Variants in RNF145 observed in about 807,000 individuals in gnomAD.
RNF145 encodes the protein ring finger protein 145.
Under a neutral mutation model 57.3 loss-of-function variants are expected in RNF145, and 12 were observed. The ratio of observed to expected loss-of-function variants is 0.21; its 90% confidence interval spans 0.13 to 0.34. The LOEUF (loss-of-function observed/expected upper bound fraction) is 0.34. Ranked by LOEUF, RNF145 falls within the 10% of genes least tolerant of loss-of-function variation. RNF145 has a pLI of 1.00. For missense variants in RNF145, 429 were observed against 799.0 expected (o/e 0.54, Z 5.58); for synonymous variants, 262 against 288.3 (o/e 0.91, Z 0.92).
chr5:159,163,637 T>A (rs1028498003), intron 8 of RNF145, among the ~76,000 whole-genome samples: 2 of 152,168 alleles, frequency 1.3e-5, no homozygotes, highest in Admixed American at 1.3e-4. Context: ...CTGGTTTTCC[T>A]CCCTCCTCCA....
At chr5:159,208,288 C>G (rs1785974340) in intron 1 of RNF145, among the ~76,000 whole-genome samples, 1 of 152,176 alleles carries the variant, frequency 6.6e-6, no homozygotes, top group Admixed American at 6.5e-5. Context: ...GAAAGAGGCT[C>G]GAGAGCTCCC....
At chr5:159,160,292 G>T (rs1009755101) in intron 10 of RNF145, among the ~76,000 whole-genome samples, 1 of 152,034 alleles carries the variant, frequency 6.6e-6, no homozygotes, top group African/African-American at 2.4e-5. Flanking sequence ...AAACCGCCTG[G>T]AGAACATTGT....
intron 3 of RNF145, among the ~76,000 whole-genome samples, chr5:159,189,290 G>A (rs1785202628): frequency 1.3e-5 from 2 of 152,174 alleles, no homozygotes; most frequent in Admixed American, 6.5e-5. Flanking sequence ...ATTAAATACT[G>A]AGCAAAGGAT....
intron 1 of RNF145, among the ~76,000 whole-genome samples, chr5:159,204,082 A>G (rs1456872754): frequency 1.3e-5 from 2 of 152,176 alleles, no homozygotes; most frequent in Non-Finnish European, 1.5e-5. Context: ...TTCAATAAAA[A>G]CTTGATAACT....
rs372162888 is a variant in RNF145, at chr5:159,160,670, G to T, written c.1626+596C>A. 3.7e-4 allele frequency among the ~76,000 whole-genome samples: 56 copies of T among 152,252 alleles called. No homozygotes were observed. The South Asian group carries it at 8.5e-3, about 23-fold the overall frequency. ...GTGATTTAAGTACTACCTTTAATTT[G>T]TAATAGAAGACAATCATCAGGCTCT... is the stretch of plus-strand genomic sequence containing the variant. On this transcript the variant is annotated intron_variant, in intron 10 of 10. Coordinates refer to ENST00000424310, the MANE Select transcript of RNF145 (RefSeq NM_001199383.2).
At chr5:159,171,458 TCTTA>T (rs1182984871) in intron 6 of RNF145, among the ~76,000 whole-genome samples, 2 of 152,116 alleles carry the variant, frequency 1.3e-5, no homozygotes, top group Non-Finnish European at 2.9e-5. Flanking sequence ...TTTCCTTTTC[TCTTA>T]TTTTAGAAAA....
intron 4 of RNF145, 118 bp downstream of exon 4, chr5:159,181,842 G>T: frequency 1.6e-6 from 1 of 611,296 alleles, no homozygotes. Flanking sequence ...TGTGGGAAAA[G>T]TCCCCATGAA....
chr5:159,203,621 G>GTTTTTTTTTTTTTTTTT lies in RNF145; in HGVS notation c.-5_-4insAAAAAAAAAAAAAAAAA. 7.9e-7 allele frequency: 1 copy of GTTTTTTTTTTTTTTTTT among 1,270,000 alleles called. No homozygotes were observed. 78.7% of individuals were successfully genotyped at this position (1,270,000 alleles called of 1,614,324 possible). Reference sequence around the variant, plus strand: ...CCAGTTTCTCCTTTGCAGCCATGTTGTTTTTTTTTTTCTTTTTTTTTTTCT... The same window carrying GTTTTTTTTTTTTTTTTT: ...CCAGTTTCTCCTTTGCAGCCATGTTGTTTTTTTTTTTTTTTTTTTTTTTTTTTTCTTTTTTTTTTTCT... On this transcript the variant is annotated 5_prime_UTR_variant, in exon 2 of 11. Coordinates refer to ENST00000424310, the MANE Select transcript of RNF145 (RefSeq NM_001199383.2).
intron 6 of RNF145, among the ~76,000 whole-genome samples, chr5:159,172,962 T>C (rs1784603231): frequency 1.3e-5 from 2 of 152,308 alleles, no homozygotes; most frequent in African/African-American, 4.8e-5. Flanking sequence ...AAGATGTATA[T>C]TCATGTACTA....
chr5:159,188,547 A>G (rs571395989), intron 3 of RNF145, among the ~76,000 whole-genome samples: 1 of 152,284 alleles, frequency 6.6e-6, no homozygotes, highest in Admixed American at 6.5e-5. Flanking sequence ...AGTTTTGGAT[A>G]GTCTCAATTT....
chr5:159,160,797 C>T (rs1784189879), intron 10 of RNF145, among the ~76,000 whole-genome samples: 1 of 152,184 alleles, frequency 6.6e-6, no homozygotes, highest in South Asian at 2.1e-4. Flanking sequence ...TGCTTGTACC[C>T]TCGGATACTT....
intron 6 of RNF145, 55 bp from the exon 7 acceptor site, chr5:159,169,874 A>G: frequency 2.1e-6 from 3 of 1,399,842 alleles, no homozygotes; most frequent in Non-Finnish European, 2.9e-6. Context: ...TGGAGTAAAC[A>G]CATTTGAGGC....
intron 5 of RNF145, 22 bp from the exon 6 acceptor site, chr5:159,174,180 G>A: frequency 6.4e-7 from 1 of 1,555,452 alleles, no homozygotes; most frequent in Non-Finnish European, 8.7e-7. Context: ...CGTAAGATAG[G>A]AAAACTTCTT....
intron 1 of RNF145, among the ~76,000 whole-genome samples, chr5:159,204,202 A>G (rs983855289): frequency 6.6e-6 from 1 of 152,248 alleles, no homozygotes; most frequent in African/African-American, 2.4e-5. Context: ...AGATACAGGT[A>G]GAGGGAACAT....
At position 159,207,565 on chromosome 5, in the gene RNF145, T is replaced by C. The variant is rs369310918; in HGVS notation, c.-40+1666A>G. The C allele has an allele frequency of 1.3e-5, 20 of 1,594,330 alleles. No homozygotes were observed. In the East Asian group the frequency reaches 2.5e-4, roughly 20 times the overall value. ...TTAAGAAAAGTAAATTTTCGGGCTG[T>C]CCATCGGTTAGGATGGTAGGCCTCA... is the stretch of plus-strand genomic sequence containing the variant. On this transcript the variant is annotated intron_variant, in intron 1 of 10. Transcript: ENST00000424310.
chr5:159,163,752 G>A (rs1784305866), intron 8 of RNF145, among the ~76,000 whole-genome samples: 3 of 152,258 alleles, frequency 2.0e-5, no homozygotes, highest in South Asian at 2.1e-4. Flanking sequence ...GGCATTTGAG[G>A]TCCTCCACTC....
intron 3 of RNF145, among the ~76,000 whole-genome samples, chr5:159,186,593 A>G (rs936501409): frequency 2.0e-5 from 3 of 152,206 alleles, no homozygotes; most frequent in Non-Finnish European, 4.4e-5. Flanking sequence ...AAATACCTGT[A>G]TTTCCTTATA....
intron 10 of RNF145, among the ~76,000 whole-genome samples, chr5:159,160,518 T>C (rs1308116399): frequency 2.6e-5 from 4 of 152,256 alleles, no homozygotes; most frequent in African/African-American, 9.6e-5. Flanking sequence ...TTTGAGTGAC[T>C]TTAAAAATGG....
chr5:159,209,207 G>A (rs1786018683), intron 1 of RNF145, 24 bp downstream of exon 1: 1 of 973,960 alleles, frequency 1.0e-6, no homozygotes, highest in African/African-American at 1.8e-5. Context: ...GGATGGGAAG[G>A]GGCCGGGCGG....
Sources: gnomAD v4.1 joint callset for allele counts (sites outside exome capture counted in the v4.1 genomes callset) on GRCh38, gnomAD v4.1.1 for gene constraint, MANE v1.5 for transcripts, NCBI Gene and HGNC (gene_info 2026-07-23, HGNC 2026-07-21) for gene names.